Variants in IGHMBP2 observed in about 807,000 individuals in gnomAD.
The protein encoded by IGHMBP2 is DNA-binding protein SMUBP-2.
IGHMBP2 carries 81 observed loss-of-function variants against 96.0 expected under a neutral mutation model. The ratio of observed to expected loss-of-function variants is 0.84; its 90% confidence interval spans 0.71 to 1.01. IGHMBP2 has a LOEUF of 1.01. Among genes scored for constraint, IGHMBP2 ranks in the 50% least tolerant of loss-of-function variants. The pLI, the probability that IGHMBP2 is intolerant of heterozygous loss-of-function variation, is 0.00. For synonymous variants in IGHMBP2, 557 were observed against 548.9 expected (o/e 1.01, Z -0.21); for missense variants, 1,227 against 1,306.3 (o/e 0.94, Z 0.94).
chr11:68,920,457 A>G (rs1858837413), intron 7 of IGHMBP2, among the ~76,000 whole-genome samples: 2 of 152,094 alleles, frequency 1.3e-5, no homozygotes, highest in Non-Finnish European at 2.9e-5. Flanking sequence ...CTTAGAACCT[A>G]TTTGTGTCTT....
At position 68,906,154 on chromosome 11, in the gene IGHMBP2, G is replaced by C; in HGVS notation, c.172G>C (p.Gly58Arg). The stretch of plus-strand genomic sequence containing the variant: ...GCTGCAGGTATCCAGCCAGCGCACT[G>C]GGCTGTACGGACGGCTGCTGGTCAC... ...LKLQVSSQRT[G>R]LYGRLLVTFE... The change falls in exon 2 of 15, where the codon GGG (glycine) becomes CGG (arginine). Residue 58 changes from glycine (G) to arginine (R), a missense_variant. Transcript: ENST00000255078. 1 of 1,614,152 alleles carries C rather than the reference G, an allele frequency of 6.2e-7. No homozygotes were observed. The highest frequency in any genetic ancestry group is 2.2e-5 in the East Asian group (1 of 44,884).
chr11:68,936,355 C>T lies in IGHMBP2; in HGVS notation c.1875C>T (p.Thr625=), dbSNP rs1431005555. 6.2e-7 allele frequency: 1 copy of T among 1,614,062 alleles called. No homozygotes were observed. The highest frequency in any genetic ancestry group is 8.5e-7 in the Non-Finnish European group (1 of 1,180,040). ...TCAACAACCATGCATTTTTGAAGAC[C>T]CTGGTGGAGTATTTCACACAGCATG... is the stretch of plus-strand genomic sequence containing the variant. ...RTVNNHAFLK[T]LVEYFTQHGE... The change falls in exon 13 of 15, where the codon ACC becomes ACT. Residue 625 remains threonine (T), a synonymous_variant. Transcript: ENST00000255078.
intron 7 of IGHMBP2, among the ~76,000 whole-genome samples, chr11:68,925,611 G>C (rs1372891763): frequency 6.6e-6 from 1 of 152,144 alleles, no homozygotes; most frequent in Non-Finnish European, 1.5e-5. Flanking sequence ...TCTCTCCAAA[G>C]GACTCCCTTT....
At chr11:68,913,886 G>C (rs1858544346) in intron 5 of IGHMBP2, among the ~76,000 whole-genome samples, 1 of 152,184 alleles carries the variant, frequency 6.6e-6, no homozygotes, top group African/African-American at 2.4e-5. Flanking sequence ...AGGTCTTGCT[G>C]CTCGCCACAC....
chr11:68,931,751 C>T (rs1011126870), intron 8 of IGHMBP2, among the ~76,000 whole-genome samples: 1 of 152,206 alleles, frequency 6.6e-6, no homozygotes, highest in Non-Finnish European at 1.5e-5. Context: ...TCAGTGGCTT[C>T]TTCCAGGGAG....
At chr11:68,905,237 G>A (rs1318381719) in intron 1 of IGHMBP2, among the ~76,000 whole-genome samples, 1 of 152,258 alleles carries the variant, frequency 6.6e-6, no homozygotes, top group Non-Finnish European at 1.5e-5. Context: ...TCAGCCATAT[G>A]TGGGTAGGAT....
rs552348726 is a variant in IGHMBP2 at position 68,939,784 on chromosome 11, G to A, written c.*53G>A. The A allele has an allele frequency of 5.0e-5, 77 of 1,534,000 alleles. No individual in the cohort carries two copies. In the African/African-American group the frequency reaches 6.5e-4, roughly 13 times the overall value. On this transcript the variant is annotated 3_prime_UTR_variant, in exon 15 of 15. Transcript: ENST00000255078. ...AGCTCTCTCCATGGTAGCCCAGGGC[G>A]CTGGCAGACCATGCTCCGCCTCCAC...
chr11:68,938,316 T>G lies in IGHMBP2; in HGVS notation c.2746T>G (p.Cys916Gly). 1 of 1,610,846 alleles carries G rather than the reference T, an allele frequency of 6.2e-7. No homozygotes were observed. Among genetic ancestry groups the G allele is most frequent in the Non-Finnish European group, 8.5e-7 (1 of 1,179,444 alleles). ...AACCCTGGGCCAGTTCTGCCAGCTC[T>G]GCAGCCGCCGCTACTGCCTCAGCCA... ...VTTLGQFCQL[C>G]SRRYCLSHHL... The change falls in exon 14 of 15, where the codon TGC (cysteine) becomes GGC (glycine). Residue 916 changes from cysteine (C) to glycine (G), a missense_variant. This residue lies in a region of IGHMBP2 where 703 missense variants were observed against 770.3 expected (regional missense o/e 0.91). Transcript: ENST00000255078.
At chr11:68,939,273 G>A (rs1594459383) in intron 14 of IGHMBP2, among the ~76,000 whole-genome samples, 3 of 152,116 alleles carry the variant, frequency 2.0e-5, no homozygotes, top group Non-Finnish European at 4.4e-5. Flanking sequence ...GGAGGCAGTG[G>A]GAAGTGGCCG....
chr11:68,908,416 A>G (rs1858289150), intron 3 of IGHMBP2, 79 bp downstream of exon 3: 5 of 1,498,564 alleles, frequency 3.3e-6, no homozygotes, highest in South Asian at 2.3e-5. Flanking sequence ...CTGTCGCACA[A>G]AAGAGAGCAA....
At chr11:68,913,057 A>C (rs1322790505) in intron 5 of IGHMBP2, among the ~76,000 whole-genome samples, 2 of 150,524 alleles carry the variant, frequency 1.3e-5, no homozygotes, top group African/African-American at 2.4e-5. Context: ...AAAAAAAAAA[A>C]AAAAAAAAAA....
rs545398857 is a variant in IGHMBP2 at position 68,936,096 on chromosome 11, C to T, written c.1757-141C>T. ...GGGCAGGTGTGGCATCACGGTGCCA[C>T]GCGTGGCCGGGCACCCGTGTGGATG... On this transcript the variant is annotated intron_variant, in intron 12 of 14. Transcript: ENST00000255078. 67 of 916,180 alleles carry T rather than the reference C, an allele frequency of 7.3e-5. 1 individual carries two copies. The highest frequency in any genetic ancestry group is 4.8e-4 in the South Asian group (36 of 74,878). The allele number at this position is 916,180 out of a possible 1,614,324, so 56.8% of individuals were successfully genotyped here.
At chr11:68,931,735 G>A (rs1277870427) in intron 8 of IGHMBP2, among the ~76,000 whole-genome samples, 2 of 152,316 alleles carry the variant, frequency 1.3e-5, no homozygotes, top group Non-Finnish European at 2.9e-5. Flanking sequence ...GTGGGAGGAC[G>A]CTTATTCAGT....
intron 6 of IGHMBP2, among the ~76,000 whole-genome samples, chr11:68,916,684 A>G (rs1858684446): frequency 6.6e-6 from 1 of 152,024 alleles, no homozygotes; most frequent in African/African-American, 2.4e-5. Context: ...AGTCTTTGCT[A>G]TGGGCCCGTG....
chr11:68,906,874 T>C lies in IGHMBP2; in HGVS notation c.256+636T>C, dbSNP rs142817002. Among the ~76,000 whole-genome samples the C allele has an allele frequency of 2.3e-3, 352 of 152,202 alleles. 1 individual carries two copies. The highest frequency in any genetic ancestry group is 7.4e-3 in the African/African-American group (306 of 41,560). On this transcript the variant is annotated intron_variant, in intron 2 of 14. Transcript: ENST00000255078. ...TCAGGCTGGTCTCGAACTCCCAACT[T>C]CAGGTGATCCGCCTGCTTTGGCCTC...
intron 7 of IGHMBP2, among the ~76,000 whole-genome samples, chr11:68,927,469 G>A (rs562842059): frequency 6.6e-6 from 1 of 152,294 alleles, no homozygotes; most frequent in Non-Finnish European, 1.5e-5. Context: ...TCCCGTTTGT[G>A]CAGTGCGTTG....
intron 12 of IGHMBP2, among the ~76,000 whole-genome samples, chr11:68,935,845 C>T (rs1432008138): frequency 8.5e-5 from 13 of 152,164 alleles, no homozygotes; most frequent in African/African-American, 2.9e-4. Flanking sequence ...GTTTAGTGAA[C>T]GGGCTTTGTG....
chr11:68,920,690 C>T (rs1858844220), intron 7 of IGHMBP2, among the ~76,000 whole-genome samples: 1 of 152,152 alleles, frequency 6.6e-6, no homozygotes, highest in Non-Finnish European at 1.5e-5. Flanking sequence ...CACTGTGTTG[C>T]CCAGGCTGGT....
At chr11:68,919,203 CCGTCCT>C (rs756654180) in intron 7 of IGHMBP2, among the ~76,000 whole-genome samples, 11 of 150,084 alleles carry the variant, frequency 7.3e-5, no homozygotes, top group Non-Finnish European at 3.0e-5. Flanking sequence ...GTCCCCGTCC[CCGTCCT>C]GTGTGGGATC....
Sources: allele counts gnomAD v4.1 joint callset (sites outside exome capture counted in the v4.1 genomes callset), GRCh38; gene constraint gnomAD v4.1.1; regional missense constraint gnomAD v4.1.1; transcripts MANE v1.5; gene names NCBI Gene and HGNC (gene_info 2026-07-23, HGNC 2026-07-21).